MAMDC2: variants seen among roughly 807,000 people sequenced by gnomAD.
MAMDC2 encodes the protein MAM domain-containing protein 2.
MAMDC2 carries 57 observed loss-of-function variants against 89.8 expected under a neutral mutation model. The ratio of observed to expected loss-of-function variants is 0.63; its 90% CI spans 0.51 to 0.79. The LOEUF (loss-of-function observed/expected upper bound fraction) is 0.79, where lower values mean the gene tolerates loss of function less well. Ranked by LOEUF, MAMDC2 falls within the 30% of genes least tolerant of loss-of-function variation. The probability of loss-of-function intolerance (pLI) is 0.00; values close to 1 mark genes in which losing one functional copy is unlikely to be tolerated. For synonymous variants in MAMDC2, 313 were observed against 293.4 expected (o/e 1.07, Z -0.68); for missense variants, 800 against 820.6 (o/e 0.97, Z 0.31).
chr9:70,177,385 C>G (rs1195300983), intron 11 of MAMDC2, among the ~76,000 whole-genome samples: 1 of 152,026 alleles, frequency 6.6e-6, no homozygotes, highest in East Asian at 1.9e-4. Context: ...CAGAGTGGAA[C>G]AGTGGAAGAT....
At chr9:70,109,423 G>C (rs1828438998) in intron 3 of MAMDC2, 1 of 333,184 alleles carries the variant, frequency 3.0e-6, no homozygotes, top group Non-Finnish European at 5.4e-6. Context: ...GGTGGTGGTG[G>C]TTGGGATAGC....
rs940975207 is a variant in MAMDC2 at position 70,069,075 on chromosome 9, A to G, written c.148+24378A>G. Among the ~76,000 whole-genome samples the G allele has an allele frequency of 2.4e-4, 36 of 152,328 alleles. 1 individual carries two copies. Among genetic ancestry groups the G allele is most frequent in the Non-Finnish European group, 2.6e-4 (18 of 68,022 alleles). On this transcript the variant is annotated intron_variant, in intron 2 of 13. Coordinates refer to ENST00000377182, the MANE Select transcript of MAMDC2 (RefSeq NM_153267.5). ...GCTTGGAAGGGGCAGAACCCGGTAG[A>G]AGGATTGTGTGTGCACAAGAGAGGA...
At chr9:70,098,702 A>G (rs1311376684) in intron 2 of MAMDC2, among the ~76,000 whole-genome samples, 1 of 152,228 alleles carries the variant, frequency 6.6e-6, no homozygotes, top group Non-Finnish European at 1.5e-5. Context: ...AAATTAATAA[A>G]GGAGGCAGAA....
At chr9:70,213,848 T>A (rs2033400676) in intron 11 of MAMDC2, among the ~76,000 whole-genome samples, 1 of 152,190 alleles carries the variant, frequency 6.6e-6, no homozygotes. Context: ...TTACCAAAAC[T>A]GGGATTTGCT....
chr9:70,057,717 A>G (rs1587430900), intron 2 of MAMDC2, among the ~76,000 whole-genome samples: 2 of 152,316 alleles, frequency 1.3e-5, no homozygotes, highest in South Asian at 2.1e-4. Context: ...CATTATTTCC[A>G]TCCTAATGTG....
chr9:70,155,384 T>C (rs1411248244), intron 9 of MAMDC2, among the ~76,000 whole-genome samples: 1 of 152,180 alleles, frequency 6.6e-6, no homozygotes, highest in Admixed American at 6.5e-5. Context: ...AATCTTCACC[T>C]GCCTCTCTTC....
At position 70,131,092 on chromosome 9, in the gene MAMDC2, G is replaced by A. The variant is rs188087032; in HGVS notation, c.901-427G>A. 8.7e-4 allele frequency among the ~76,000 whole-genome samples: 133 copies of A among 152,260 alleles called. 1 individual carries two copies. The highest frequency in any genetic ancestry group is 3.1e-3 in the African/African-American group (129 of 41,554). On this transcript the variant is annotated intron_variant, in intron 6 of 13. Coordinates refer to ENST00000377182, the MANE Select transcript of MAMDC2 (RefSeq NM_153267.5). The stretch of plus-strand genomic sequence containing the variant: ...AGATCAAAGTATTGGCAGATCTGGC[G>A]TCTGCTGAGGGCCTGTTTCCTGGTC...
intron 5 of MAMDC2, among the ~76,000 whole-genome samples, chr9:70,115,124 T>C (rs2029910132): frequency 6.6e-6 from 1 of 151,996 alleles, no homozygotes; most frequent in Non-Finnish European, 1.5e-5. Flanking sequence ...GCCACACAGG[T>C]GTTTGGGCAG....
At chr9:70,056,633 CT>C (rs1310596415) in intron 2 of MAMDC2, among the ~76,000 whole-genome samples, 3 of 152,276 alleles carry the variant, frequency 2.0e-5, no homozygotes, top group East Asian at 3.9e-4. Flanking sequence ...TTCTCTTGGG[CT>C]TGTGGACTAG....
intron 11 of MAMDC2, among the ~76,000 whole-genome samples, chr9:70,185,583 A>G (rs1307788384): frequency 2.0e-5 from 3 of 152,180 alleles, no homozygotes; most frequent in Non-Finnish European, 4.4e-5. Context: ...GATCCTGCCC[A>G]GTGAGGAGTG....
At chr9:70,208,003 G>A (rs1011023944) in intron 11 of MAMDC2, among the ~76,000 whole-genome samples, 2 of 152,060 alleles carry the variant, frequency 1.3e-5, no homozygotes, top group Admixed American at 1.3e-4. Context: ...CTCTGTTTTG[G>A]TACCAGTACC....
At chr9:70,158,709 T>A (rs1927122) in intron 9 of MAMDC2, among the ~76,000 whole-genome samples, 300 of 151,856 alleles carry the variant, frequency 2.0e-3, no homozygotes, top group Non-Finnish European at 3.2e-3. Flanking sequence ...GAAATGTGTT[T>A]GTTAGGCAAT....
At chr9:70,112,795 C>T (rs1734315827) in intron 4 of MAMDC2, among the ~76,000 whole-genome samples, 200 bp from the exon 5 acceptor site, 1 of 152,108 alleles carries the variant, frequency 6.6e-6, no homozygotes, top group Non-Finnish European at 1.5e-5. Context: ...TCCAAAGGGC[C>T]AATGATGAAT....
At chr9:70,217,557 A>G (rs1172569597) in intron 11 of MAMDC2, 8 of 1,592,978 alleles carry the variant, frequency 5.0e-6, no homozygotes, top group Non-Finnish European at 6.0e-6. Context: ...CTAAGCAAGC[A>G]TCTAAAAAGA....
chr9:70,191,339 G>T (rs1470886077), intron 11 of MAMDC2, among the ~76,000 whole-genome samples: 1 of 151,734 alleles, frequency 6.6e-6, no homozygotes, highest in Non-Finnish European at 1.5e-5. Context: ...TGAGTTTGTT[G>T]GTGTAACTGT....
intron 9 of MAMDC2, among the ~76,000 whole-genome samples, chr9:70,147,685 T>C (rs1318677323): frequency 1.3e-5 from 2 of 150,284 alleles, no homozygotes; most frequent in African/African-American, 4.9e-5. Context: ...ACACAATTAC[T>C]GAACTTTCAC....
At chr9:70,094,378 G>A (rs537682734) in intron 2 of MAMDC2, among the ~76,000 whole-genome samples, 2 of 152,254 alleles carry the variant, frequency 1.3e-5, no homozygotes, top group East Asian at 3.9e-4. Context: ...TTTTCTAAAT[G>A]CTTCCCACAA....
At chr9:70,165,258 C>A (rs1357724602) in intron 9 of MAMDC2, among the ~76,000 whole-genome samples, 3 of 152,136 alleles carry the variant, frequency 2.0e-5, no homozygotes, top group Admixed American at 6.6e-5. Flanking sequence ...CCCACTCATC[C>A]GCTTGCCCAG....
intron 2 of MAMDC2, among the ~76,000 whole-genome samples, chr9:70,070,218 A>G (rs1431117657): frequency 1.3e-5 from 2 of 152,220 alleles, no homozygotes; most frequent in Non-Finnish European, 2.9e-5. Context: ...AGCAAGGTCT[A>G]TCTTTATCCT....
Sources: gnomAD v4.1 joint callset for allele counts (sites outside exome capture counted in the v4.1 genomes callset) on GRCh38, gnomAD v4.1.1 for gene constraint, MANE v1.5 for transcripts, NCBI Gene and HGNC (gene_info 2026-07-23, HGNC 2026-07-21) for gene names.